The following APBA1 variants were observed in gnomAD, a reference collection of about 807,000 sequenced individuals.
APBA1 encodes amyloid beta precursor protein binding family A member 1.
Under a neutral mutation model 86.6 loss-of-function variants are expected in APBA1, and 55 were observed. The observed-to-expected ratio is 0.64, with a 90% CI of 0.51 to 0.80. The LOEUF is 0.80. APBA1 is among the 30% of genes least tolerant of loss of function. The probability of loss-of-function intolerance (pLI) is 0.00; values close to 1 mark genes in which losing one functional copy is unlikely to be tolerated. For synonymous variants in APBA1, 511 were observed against 493.9 expected (o/e 1.03, Z -0.46); for missense variants, 1,090 against 1,183.0 (o/e 0.92, Z 1.15).
At chr9:69,477,060 G>T (rs1318516985) in intron 2 of APBA1, among the ~76,000 whole-genome samples, 1 of 152,220 alleles carries the variant, frequency 6.6e-6, no homozygotes, top group Non-Finnish European at 1.5e-5. Flanking sequence ...GGAGATGAAA[G>T]GAATCCTCAG....
At chr9:69,476,166 A>C in intron 2 of APBA1, 23 bp from the exon 3 acceptor site, 1 of 1,573,124 alleles carries the variant, frequency 6.4e-7, no homozygotes. Context: ...AAGAGGAAAC[A>C]CAGTGAGAAC....
intron 10 of APBA1, 96 bp from the exon 11 acceptor site, chr9:69,441,211 A>C: frequency 7.0e-7 from 1 of 1,432,812 alleles, no homozygotes; most frequent in Non-Finnish European, 9.4e-7. Flanking sequence ...AGCTGCACTG[A>C]GTCTTCCGAA....
At chr9:69,607,840 T>C (rs1299863487) in intron 1 of APBA1, among the ~76,000 whole-genome samples, 2 of 152,208 alleles carry the variant, frequency 1.3e-5, no homozygotes, top group Non-Finnish European at 2.9e-5. Context: ...ATAGGTTTCT[T>C]AGGTTGGTTA....
At chr9:69,440,571 A>G (rs1007945202) in intron 11 of APBA1, among the ~76,000 whole-genome samples, 3 of 151,966 alleles carry the variant, frequency 2.0e-5, no homozygotes, top group African/African-American at 7.3e-5. Context: ...TGGGCGTAGG[A>G]CCCTCCGAGC....
intron 1 of APBA1, among the ~76,000 whole-genome samples, chr9:69,601,298 C>A (rs1348035148): frequency 6.6e-6 from 1 of 152,112 alleles, no homozygotes; most frequent in Admixed American, 6.5e-5. Flanking sequence ...AATTAGTATT[C>A]ATGTAATAGT....
chr9:69,456,458 A>G lies in APBA1; in HGVS notation c.1603-26T>C, dbSNP rs759765670. On this transcript the variant is annotated intron_variant, in intron 7 of 12. Transcript: ENST00000265381. ...CTGGAGGCAGGAAGAGAGGGCGGGT[A>G]AGTCCAGCTCAGCATCTAATGACCT... The G allele has an allele frequency of 3.8e-6, 6 of 1,561,180 alleles. No homozygotes were observed. The Admixed American group carries it at 1.1e-4, about 29-fold the overall frequency.
At chr9:69,513,293 T>C (rs1836082081) in intron 2 of APBA1, among the ~76,000 whole-genome samples, 1 of 152,228 alleles carries the variant, frequency 6.6e-6, no homozygotes, top group Admixed American at 6.5e-5. Context: ...AGCCAGCCTC[T>C]AACCCTACCA....
chr9:69,497,479 C>T (rs976216905), intron 2 of APBA1, among the ~76,000 whole-genome samples: 1 of 152,164 alleles, frequency 6.6e-6, no homozygotes, highest in Admixed American at 6.5e-5. Context: ...TGAGGCTGCA[C>T]AAGGGTTGAA....
rs770573595 is a variant in APBA1 at position 69,456,322 on chromosome 9, G to A, written c.1713C>T (p.Asn571=). The A allele has an allele frequency of 1.4e-5, 23 of 1,614,042 alleles. No individual in the cohort carries two copies. The highest frequency in any genetic ancestry group is 5.3e-5 in the African/African-American group (4 of 74,926). Residue 571 remains asparagine, a synonymous_variant, in exon 8 of 13, where the codon AAC becomes AAT. Transcript: ENST00000265381. ...RRMPRSNSQE[N]VEASHPSQDG... is the part of the protein sequence containing the mutation. ...CCTGGGATGGGTGGGACGCTTCCAC[G>A]TTCTCCTGGGAGTTGGAGCGAGGCA...
In APBA1 at chr9:69,516,641, G is replaced by A. The variant is rs749031976; in HGVS notation, c.570C>T (p.Tyr190=). The change falls in exon 2 of 13, where the codon TAC becomes TAT. Residue 190 remains tyrosine (Y), a synonymous_variant. Transcript: ENST00000265381. The surrounding 1 kb of genome is among the most constrained non-coding windows in gnomAD (Gnocchi z 7.3). ...CGTACACGTGCTCCTGGAGGCCGCC[G>A]TAGTCGGCATAGGGCTCGGAGTAGG... ...DEPYSEPYAD[Y]GGLQEHVYEE... The A allele has an allele frequency of 1.9e-6, 3 of 1,608,614 alleles. No individual in the cohort carries two copies. The highest frequency in any genetic ancestry group is 2.2e-5 in the East Asian group (1 of 44,768).
intron 9 of APBA1, among the ~76,000 whole-genome samples, chr9:69,450,873 T>G (rs2133807841): frequency 6.6e-6 from 1 of 151,096 alleles, no homozygotes; most frequent in African/African-American, 2.4e-5. Flanking sequence ...GGAGAAAGGC[T>G]GATGTGAAGA....
At chr9:69,540,126 C>CAACAACAACAAT (rs1836581043) in intron 1 of APBA1, among the ~76,000 whole-genome samples, 1 of 128,214 alleles carries the variant, frequency 7.8e-6, no homozygotes, top group African/African-American at 3.2e-5. Context: ...ATCTCGGCAA[C>CAACAACAACAAT]AACAACAACA....
chr9:69,530,594 GAAA>G (rs1318506481), intron 1 of APBA1, among the ~76,000 whole-genome samples: 1 of 152,042 alleles, frequency 6.6e-6, no homozygotes, highest in Non-Finnish European at 1.5e-5. Flanking sequence ...GGTGACGGTT[GAAA>G]ACCTTACCTA....
intron 12 of APBA1, 52 bp downstream of exon 12, chr9:69,432,484 G>A: frequency 7.0e-7 from 1 of 1,435,118 alleles, no homozygotes; most frequent in South Asian, 1.6e-5. Context: ...ATACGAGGCA[G>A]GGGCACCAGA....
intron 1 of APBA1, among the ~76,000 whole-genome samples, chr9:69,634,412 C>A (rs73453565): frequency 0.052 from 7,969 of 152,168 alleles, 311 homozygotes; most frequent in African/African-American, 0.1. Flanking sequence ...CTTGCCACTG[C>A]GGATTAAAGT....
chr9:69,462,291 G>C (rs1026569655), intron 5 of APBA1: 9 of 152,300 alleles, frequency 5.9e-5, no homozygotes, highest in African/African-American at 2.2e-4. Context: ...GGGAATGAGA[G>C]TGGAAGGCAA....
chr9:69,435,851 C>T (rs1449807433), intron 11 of APBA1, among the ~76,000 whole-genome samples: 1 of 152,180 alleles, frequency 6.6e-6, no homozygotes, highest in East Asian at 1.9e-4. Flanking sequence ...GTGTTTTAGA[C>T]ATGAAGTACT....
intron 8 of APBA1, among the ~76,000 whole-genome samples, chr9:69,452,531 C>T (rs1171296181): frequency 6.6e-6 from 1 of 152,228 alleles, no homozygotes; most frequent in African/African-American, 2.4e-5. Flanking sequence ...GAGCTACCGG[C>T]ATTCAGCAGA....
At chr9:69,654,125 A>T (rs1344246474) in intron 1 of APBA1, among the ~76,000 whole-genome samples, 2 of 151,804 alleles carry the variant, frequency 1.3e-5, no homozygotes, top group Admixed American at 6.6e-5. Context: ...AAAAAAAAAA[A>T]AAAAAAAAGA....
Sources: gnomAD v4.1 joint callset for allele counts (sites outside exome capture counted in the v4.1 genomes callset) on GRCh38, gnomAD v4.1.1 for gene constraint, Gnocchi (gnomAD v3.1) non-coding constraint, MANE v1.5 for transcripts, NCBI Gene and HGNC (gene_info 2026-07-23, HGNC 2026-07-21) for gene names.